HPCA: variants seen among roughly 807,000 people sequenced by gnomAD.
HPCA encodes the protein hippocalcin, also known as neuron-specific calcium-binding protein hippocalcin.
A neutral mutation model predicts 18.2 loss-of-function variants in HPCA; 4 were observed. The observed-to-expected ratio is 0.22, with a 90% CI of 0.11 to 0.50. HPCA has a LOEUF of 0.50. Ranked by LOEUF, HPCA falls within the 20% of genes least tolerant of loss-of-function variation. The probability of loss-of-function intolerance (pLI) is 0.97; values close to 1 mark genes in which losing one functional copy is unlikely to be tolerated. For missense variants in HPCA, 161 were observed against 265.8 expected (o/e 0.61, Z 2.74); for synonymous variants, 93 against 103.5 (o/e 0.90, Z 0.61).
intron 2 of HPCA, among the ~76,000 whole-genome samples, chr1:32,891,508 G>A (rs1641453199): frequency 1.3e-5 from 2 of 152,230 alleles, no homozygotes. Context: ...TGTCATCTGG[G>A]AACCAGGGGA....
Position 32,889,705 on chromosome 1 carries a change from C to T in HPCA, c.378+429C>T, listed in dbSNP as rs1308841599. ...ACAATGCTATTATCTAATCTACCAACCATATTCCAATTTTGCCAACTGTCT... is the reference window on the plus strand; with the variant it reads ...ACAATGCTATTATCTAATCTACCAATCATATTCCAATTTTGCCAACTGTCT... On this transcript the variant is annotated intron_variant, in intron 2 of 3. Transcript: ENST00000373467. The surrounding 1 kb of genome is among the most constrained non-coding windows in gnomAD (Gnocchi z 4.6). Among the ~76,000 whole-genome samples, 1 of 152,218 alleles carries T rather than the reference C, an allele frequency of 6.6e-6. No homozygotes were observed. The highest frequency in any genetic ancestry group is 1.5e-5 in the Non-Finnish European group (1 of 68,044).
rs1557539299 is a variant in HPCA, at chr1:32,888,862, C to A, written c.-21-16C>A. Reference sequence around the variant, plus strand: ...CTGATCACTCCTCTCTGCCCTTGACCCCCTTGGGGACCCAGGTGGGACTTG... The same window carrying A: ...CTGATCACTCCTCTCTGCCCTTGACACCCTTGGGGACCCAGGTGGGACTTG... On this transcript the variant is annotated splice_polypyrimidine_tract_variant and intron_variant, in intron 1 of 3. Transcript: ENST00000373467. 1.3e-6 allele frequency: 2 copies of A among 1,580,348 alleles called. No individual in the cohort carries two copies. Among genetic ancestry groups the A allele is most frequent in the East Asian group, 2.2e-5 (1 of 44,762 alleles).
chr1:32,887,946 G>GC (rs1641398153), intron 1 of HPCA, among the ~76,000 whole-genome samples: 4 of 152,146 alleles, frequency 2.6e-5, no homozygotes, highest in Admixed American at 2.6e-4. Context: ...TACGTGAGTG[G>GC]CATGGGATCC....
chr1:32,890,277 G>A (rs1257287439), intron 2 of HPCA, among the ~76,000 whole-genome samples: 6 of 152,168 alleles, frequency 3.9e-5, no homozygotes, highest in Admixed American at 2.0e-4. Flanking sequence ...TCATCTGTAC[G>A]CTCATACTGA....
rs1294136644 is a variant in HPCA at position 32,889,362 on chromosome 1, G to A, written c.378+86G>A. 42 of 1,371,982 alleles carry A rather than the reference G, an allele frequency of 3.1e-5. No individual in the cohort carries two copies. Among genetic ancestry groups the A allele is most frequent in the South Asian group, 4.3e-5 (3 of 69,836 alleles). 85.0% of individuals were successfully genotyped at this position (1,371,982 alleles called of 1,614,324 possible). A position where few individuals can be genotyped will look rare whatever the true frequency, so the allele number is the denominator to read the frequency against. On this transcript the variant is annotated intron_variant, in intron 2 of 3. Transcript: ENST00000373467. The surrounding 1 kb of genome is among the most constrained non-coding windows in gnomAD (Gnocchi z 4.6). ...CCTTTTGATCCTCTCAGCAGACCTC[G>A]TAGGCATGTGGTGGCAGGGGATATT...
Position 32,888,883 on chromosome 1 carries a change from A to G in HPCA, c.-16A>G, listed in dbSNP as rs778934384. On this transcript the variant is annotated 5_prime_UTR_variant, in exon 2 of 4. Transcript: ENST00000373467. ...TGACCCCCTTGGGGACCCAGGTGGG[A>G]CTTGGCTCGGCGGCCATGGGCAAGC... The G allele has an allele frequency of 3.1e-6, 5 of 1,597,944 alleles. No individual in the cohort carries two copies. The highest frequency in any genetic ancestry group is 3.4e-6 in the Non-Finnish European group (4 of 1,171,952).
rs138722056 is a variant in HPCA, at chr1:32,890,673, G to A, written c.378+1397G>A. Among the ~76,000 whole-genome samples, 271 of 152,286 alleles carry A rather than the reference G, an allele frequency of 1.8e-3. 2 individuals are homozygous for A. The highest frequency in any genetic ancestry group is 6.3e-3 in the African/African-American group (261 of 41,552). On this transcript the variant is annotated intron_variant, in intron 2 of 3. Transcript: ENST00000373467. ...AATGTGCCCTGACTAATCCTGTCAC[G>A]CAGCTTTGCACAAGCTCTTGCCCCC...
intron 1 of HPCA, 63 bp from the exon 2 acceptor site, chr1:32,888,815 A>G: frequency 1.4e-6 from 2 of 1,426,812 alleles, no homozygotes; most frequent in Non-Finnish European, 1.9e-6. Flanking sequence ...CATCTGGAGC[A>G]GTGTCTAGTA....
chr1:32,893,935 G>C lies in HPCA; in HGVS notation c.*73G>C, dbSNP rs1570026548. 1.4e-5 allele frequency: 16 copies of C among 1,132,094 alleles called. 1 individual carries two copies. In the South Asian group the frequency reaches 2.0e-4, roughly 14 times the overall value. 70.1% of individuals were successfully genotyped at this position (1,132,094 alleles called of 1,614,324 possible). Reference sequence around the variant, plus strand: ...GCTCTTAGCTTCCACTCCCTTGTGTGTATTCTGGCTGGGGGCCAGATTGGG... The same window carrying C: ...GCTCTTAGCTTCCACTCCCTTGTGTCTATTCTGGCTGGGGGCCAGATTGGG... On this transcript the variant is annotated 3_prime_UTR_variant, in exon 4 of 4. Transcript: ENST00000373467. This position sits in a 1 kb window ranked among gnomAD's most constrained non-coding sequence, Gnocchi z 7.5.
At chr1:32,892,389 C>T (rs1264161075) in intron 2 of HPCA, among the ~76,000 whole-genome samples, 1 of 152,148 alleles carries the variant, frequency 6.6e-6, no homozygotes, top group Non-Finnish European at 1.5e-5. Flanking sequence ...GAGATGTCTG[C>T]AAAGGAAAAG....
Position 32,889,366 on chromosome 1 carries a change from G to A in HPCA, c.378+90G>A. 7.6e-7 allele frequency: 1 copy of A among 1,313,618 alleles called. No individual in the cohort carries two copies. Among genetic ancestry groups the A allele is most frequent in the Non-Finnish European group, 1.0e-6 (1 of 964,574 alleles). 81.4% of individuals were successfully genotyped at this position (1,313,618 alleles called of 1,614,324 possible). ...TTGATCCTCTCAGCAGACCTCGTAG[G>A]CATGTGGTGGCAGGGGATATTCTTG... On this transcript the variant is annotated intron_variant, in intron 2 of 3. Coordinates refer to ENST00000373467, the MANE Select transcript of HPCA (RefSeq NM_002143.3). The surrounding 1 kb of genome is among the most constrained non-coding windows in gnomAD (Gnocchi z 4.6).
Position 32,888,907 on chromosome 1 carries a change from G to A in HPCA, c.9G>A (p.Lys3=). The A allele has an allele frequency of 6.2e-7, 1 of 1,610,590 alleles. No individual in the cohort carries two copies. Among genetic ancestry groups the A allele is most frequent in the East Asian group, 2.2e-5 (1 of 44,852 alleles). ...GACTTGGCTCGGCGGCCATGGGCAA[G>A]CAGAACAGCAAGCTGCGGCCCGAGA... is the stretch of plus-strand genomic sequence containing the variant. The part of the protein sequence containing the change: MG[K]QNSKLRPEML... The change falls in exon 2 of 4, where the codon AAG becomes AAA. Residue 3 remains lysine, a synonymous_variant. Transcript: ENST00000373467.
chr1:32,892,207 G>A (rs909500633), intron 2 of HPCA, among the ~76,000 whole-genome samples: 2 of 152,160 alleles, frequency 1.3e-5, no homozygotes, highest in African/African-American at 2.4e-5. Context: ...ATTGTAAAGC[G>A]TCTTAAATCC....
At chr1:32,890,091 T>A (rs929475641) in intron 2 of HPCA, among the ~76,000 whole-genome samples, 1 of 152,166 alleles carries the variant, frequency 6.6e-6, no homozygotes, top group African/African-American at 2.4e-5. Flanking sequence ...AGTGCGTGCT[T>A]ACAACAACCC....
intron 2 of HPCA, among the ~76,000 whole-genome samples, chr1:32,891,698 G>T (rs1296383753): frequency 6.6e-6 from 1 of 152,204 alleles, no homozygotes; most frequent in African/African-American, 2.4e-5. Flanking sequence ...TTAGTGAGTA[G>T]TTCAACCAGG....
intron 2 of HPCA, among the ~76,000 whole-genome samples, chr1:32,892,768 T>C (rs1641476083): frequency 6.6e-6 from 1 of 152,198 alleles, no homozygotes; most frequent in South Asian, 2.1e-4. Context: ...AGCTGGAAGA[T>C]TGAGGAGACA....
chr1:32,894,172 T>G lies in HPCA; in HGVS notation c.*310T>G. The stretch of plus-strand genomic sequence containing the variant: ...CCCTCCCCCAAAGGGGCAGTCCCCT[T>G]CTTGCAGGTCTCAGCTTGCGGGGTG... On this transcript the variant is annotated 3_prime_UTR_variant, in exon 4 of 4. Coordinates refer to ENST00000373467, the MANE Select transcript of HPCA (RefSeq NM_002143.3). The G allele has an allele frequency of 2.8e-6, 1 of 357,048 alleles. No individual in the cohort carries two copies. The highest frequency in any genetic ancestry group is 4.7e-5 in the East Asian group (1 of 21,240). 22.1% of individuals were successfully genotyped at this position (357,048 alleles called of 1,614,324 possible).
At chr1:32,887,053 T>C (rs1415080304) in intron 1 of HPCA, among the ~76,000 whole-genome samples, 2 of 152,140 alleles carry the variant, frequency 1.3e-5, no homozygotes, top group African/African-American at 4.8e-5. Context: ...GTGCGGGACA[T>C]GCCCCAGCCC....
At position 32,894,608 on chromosome 1, in the gene HPCA, C is replaced by T. The variant is rs931952052; in HGVS notation, c.*746C>T. 3.4e-6 allele frequency: 2 copies of T among 587,186 alleles called. No homozygotes were observed. 36.4% of individuals were successfully genotyped at this position (587,186 alleles called of 1,614,324 possible). On this transcript the variant is annotated 3_prime_UTR_variant, in exon 4 of 4. Coordinates refer to ENST00000373467, the MANE Select transcript of HPCA (RefSeq NM_002143.3). ...TGCAGCCAAATGGAGCATCTCTGTT[C>T]TTTTTAATAATTTCAGAATAAAGTC...
Sources: gnomAD v4.1 joint callset for allele counts (sites outside exome capture counted in the v4.1 genomes callset) on GRCh38, gnomAD v4.1.1 for gene constraint, Gnocchi (gnomAD v3.1) non-coding constraint, MANE v1.5 for transcripts, NCBI Gene and HGNC (gene_info 2026-07-23, HGNC 2026-07-21) for gene names.